SCFD2: variants seen among roughly 807,000 people sequenced by gnomAD.
The protein encoded by SCFD2 is sec1 family domain-containing protein 2.
In SCFD2, 54 loss-of-function variants were observed where a neutral mutation model predicts 58.9. That is an observed-to-expected ratio of 0.92 (90% CI 0.74 to 1.15). SCFD2 has a LOEUF of 1.15. Ranked by LOEUF, SCFD2 falls within the 50% of genes most tolerant of loss-of-function variation. The pLI is 0.00. For synonymous variants in SCFD2, 321 were observed against 335.9 expected, an observed-to-expected ratio of 0.96 and a Z score of 0.49; for missense variants, 805 against 836.6, an observed-to-expected ratio of 0.96 and a Z score of 0.47.
intron 2 of SCFD2, among the ~76,000 whole-genome samples, chr4:53,328,613 C>T (rs1040408995): frequency 2.0e-5 from 3 of 152,038 alleles, no homozygotes; most frequent in African/African-American, 2.4e-5. Context: ...TACATACATG[C>T]GGAGAACAGA....
At chr4:52,894,512 G>A (rs925764400) in intron 7 of SCFD2, among the ~76,000 whole-genome samples, 1 of 152,228 alleles carries the variant, frequency 6.6e-6, no homozygotes, top group Non-Finnish European at 1.5e-5. Flanking sequence ...GTTGTAGGGA[G>A]AGGGGTAAGG....
chr4:53,312,506 A>C (rs999563591), intron 3 of SCFD2, among the ~76,000 whole-genome samples: 1 of 152,178 alleles, frequency 6.6e-6, no homozygotes, highest in Non-Finnish European at 1.5e-5. Flanking sequence ...GACCTAGCAT[A>C]CTGTAAGTTC....
chr4:53,097,171 T>A (rs1724677356), intron 5 of SCFD2, among the ~76,000 whole-genome samples: 1 of 152,220 alleles, frequency 6.6e-6, no homozygotes, highest in Non-Finnish European at 1.5e-5. Context: ...TTTGTTCTTT[T>A]GGCTTAGGAT....
chr4:52,897,125 T>A (rs1719039123), intron 7 of SCFD2, among the ~76,000 whole-genome samples: 1 of 152,196 alleles, frequency 6.6e-6, no homozygotes. Flanking sequence ...GACTTCCTCT[T>A]TTCCTAATTG....
At chr4:53,208,898 C>A (rs2148977807) in intron 4 of SCFD2, among the ~76,000 whole-genome samples, 1 of 152,266 alleles carries the variant, frequency 6.6e-6, no homozygotes, top group South Asian at 2.1e-4. Flanking sequence ...GTTTGCCTGC[C>A]TGCCTTTAGG....
intron 5 of SCFD2, among the ~76,000 whole-genome samples, chr4:53,024,702 G>C (rs999118785): frequency 5.5e-5 from 7 of 127,834 alleles, no homozygotes; most frequent in Admixed American, 4.0e-4. Context: ...TATGTCTCAG[G>C]CCTTTTTTTT....
chr4:53,171,947 A>G (rs992402805), intron 4 of SCFD2, among the ~76,000 whole-genome samples: 4 of 149,692 alleles, frequency 2.7e-5, no homozygotes, highest in African/African-American at 9.8e-5. Flanking sequence ...TCTTAATGTC[A>G]TTGATTTGAT....
At chr4:53,284,677 A>T (rs1731610223) in intron 3 of SCFD2, among the ~76,000 whole-genome samples, 1 of 152,230 alleles carries the variant, frequency 6.6e-6, no homozygotes. Context: ...TGGGGTTTAA[A>T]CAAGAAAGAA....
chr4:53,179,681 C>T (rs1233271990), intron 4 of SCFD2, among the ~76,000 whole-genome samples: 1 of 152,132 alleles, frequency 6.6e-6, no homozygotes, highest in East Asian at 1.9e-4. Flanking sequence ...GGACTAAATG[C>T]TCCAATTAAA....
intron 5 of SCFD2, among the ~76,000 whole-genome samples, chr4:53,071,595 C>T (rs1723815721): frequency 6.6e-6 from 1 of 151,930 alleles, no homozygotes; most frequent in African/African-American, 2.4e-5. Context: ...ACAAAAAAAT[C>T]CTGAGGCTCA....
chr4:52,947,048 G>C (rs921599887), intron 5 of SCFD2, among the ~76,000 whole-genome samples: 3 of 152,150 alleles, frequency 2.0e-5, no homozygotes, highest in Admixed American at 6.6e-5. Flanking sequence ...GGACTCAGCT[G>C]TCAGAGCTGA....
intron 2 of SCFD2, among the ~76,000 whole-genome samples, chr4:53,318,765 T>C (rs1327764447): frequency 6.6e-6 from 1 of 151,822 alleles, no homozygotes; most frequent in Admixed American, 6.6e-5. Flanking sequence ...TTAAGGAAAA[T>C]TTTTGAAAGG....
intron 4 of SCFD2, among the ~76,000 whole-genome samples, chr4:53,258,620 T>C (rs1268803965): frequency 2.0e-5 from 3 of 148,050 alleles, no homozygotes; most frequent in Non-Finnish European, 4.5e-5. Flanking sequence ...ATCCACCCAT[T>C]GATTGATGGG....
rs112698784 is a variant in SCFD2, at chr4:53,213,239, G to A, written c.1311+60587C>T. Among the ~76,000 whole-genome samples, 1,344 of 152,184 alleles carry A rather than the reference G, an allele frequency of 8.8e-3. 27 individuals carry two copies. The highest frequency in any genetic ancestry group is 0.03 in the African/African-American group (1,259 of 41,462). On this transcript the variant is annotated intron_variant, in intron 4 of 8. Coordinates refer to ENST00000401642, the MANE Select transcript of SCFD2 (RefSeq NM_152540.4). ...TCCAGTATAAGCAAAAAGAGATGATGAGTAAAGATAGAAATCAAAATCACA... is the reference window on the plus strand; with the variant it reads ...TCCAGTATAAGCAAAAAGAGATGATAAGTAAAGATAGAAATCAAAATCACA...
At chr4:53,221,074 A>G (rs1032736077) in intron 4 of SCFD2, among the ~76,000 whole-genome samples, 3 of 152,194 alleles carry the variant, frequency 2.0e-5, no homozygotes, top group African/African-American at 4.8e-5. Flanking sequence ...CAATGGTCAA[A>G]TCTATATTTT....
At chr4:53,328,154 AC>A (rs1161174014) in intron 2 of SCFD2, among the ~76,000 whole-genome samples, 1 of 145,150 alleles carries the variant, frequency 6.9e-6, no homozygotes, top group Non-Finnish European at 1.5e-5. Flanking sequence ...CAAAAAAAAA[AC>A]AAAGAATGAT....
intron 5 of SCFD2, chr4:52,948,585 G>A: frequency 2.2e-6 from 1 of 453,804 alleles, no homozygotes; most frequent in South Asian, 1.6e-5. Context: ...TTCCTAGTGG[G>A]GACATGCCAA....
intron 4 of SCFD2, among the ~76,000 whole-genome samples, chr4:53,163,459 C>T (rs1249614480): frequency 6.6e-6 from 1 of 152,112 alleles, no homozygotes; most frequent in Non-Finnish European, 1.5e-5. Context: ...CGCAGGGGCT[C>T]ACACCTATAA....
chr4:52,961,633 G>T (rs928961073), intron 5 of SCFD2, among the ~76,000 whole-genome samples: 6 of 152,158 alleles, frequency 3.9e-5, no homozygotes, highest in African/African-American at 1.4e-4. Flanking sequence ...GATGGGAGGG[G>T]AGGCATGAAT....
Sources: allele counts gnomAD v4.1 joint callset (sites outside exome capture counted in the v4.1 genomes callset), GRCh38; gene constraint gnomAD v4.1.1; transcripts MANE v1.5; gene names NCBI Gene and HGNC (gene_info 2026-07-23, HGNC 2026-07-21).